ZNF805: variants seen among roughly 807,000 people sequenced by gnomAD.
The protein encoded by ZNF805 is CTC-444N24.8.
In ZNF805, 7 loss-of-function variants were observed where a neutral mutation model predicts 13.6. The ratio of observed to expected loss-of-function variants is 0.51; its 90% CI spans 0.29 to 0.97. The LOEUF (loss-of-function observed/expected upper bound fraction) is 0.97. Among genes scored for constraint, ZNF805 ranks in the 50% least tolerant of loss-of-function variants. The pLI, the probability that ZNF805 is intolerant of heterozygous loss-of-function variation, is 0.08. For synonymous variants in ZNF805, 293 were observed against 279.8 expected (o/e 1.05, Z -0.47); for missense variants, 604 against 771.0 (o/e 0.78, Z 2.57).
intron 3 of ZNF805, among the ~76,000 whole-genome samples, chr19:57,250,337 T>C (rs1034023994): frequency 6.6e-6 from 1 of 152,030 alleles, no homozygotes; most frequent in African/African-American, 2.4e-5. Context: ...GGTTCAAGCG[T>C]TTCTCCTGCC....
At chr19:57,248,883 G>A (rs1450220141) in intron 3 of ZNF805, among the ~76,000 whole-genome samples, 183 bp downstream of exon 3, 4 of 152,158 alleles carry the variant, frequency 2.6e-5, no homozygotes, top group Non-Finnish European at 5.9e-5. Context: ...CGCCACTCCT[G>A]GGGAGGAGTG....
chr19:57,245,550 T>C (rs2885166), intron 2 of ZNF805, among the ~76,000 whole-genome samples: 102,883 of 149,866 alleles, frequency 0.69, 35,860 homozygotes, highest in African/African-American at 0.8. Context: ...GAGGCCGAGA[T>C]GGGCGGATCA....
At chr19:57,243,667 T>C (rs1293976239) in intron 1 of ZNF805, among the ~76,000 whole-genome samples, 1 of 152,222 alleles carries the variant, frequency 6.6e-6, no homozygotes, top group Non-Finnish European at 1.5e-5. Flanking sequence ...GAACTCTAAT[T>C]GTCTACATCT....
At chr19:57,245,513 C>G (rs1310346097) in intron 2 of ZNF805, among the ~76,000 whole-genome samples, 2 of 152,144 alleles carry the variant, frequency 1.3e-5, no homozygotes, top group African/African-American at 2.4e-5. Context: ...GGTGCGATAG[C>G]TCATGCCTGT....
chr19:57,254,819 T>C lies in ZNF805; in HGVS notation c.*116T>C. The C allele has an allele frequency of 2.7e-6, 3 of 1,102,806 alleles. No individual in the cohort carries two copies. The highest frequency in any genetic ancestry group is 3.8e-6 in the Non-Finnish European group (3 of 780,012). 68.3% of individuals were successfully genotyped at this position (1,102,806 alleles called of 1,614,324 possible). A position where few individuals can be genotyped will look rare whatever the true frequency, so the allele number is the denominator to read the frequency against. Reference sequence around the variant, plus strand: ...ATCCTGGAAAAACACCCAGTGGTTATTACGCACTTGGGAAAACCTTTAGCT... The same window carrying C: ...ATCCTGGAAAAACACCCAGTGGTTACTACGCACTTGGGAAAACCTTTAGCT... On this transcript the variant is annotated 3_prime_UTR_variant, in exon 4 of 4. Transcript: ENST00000414468.
Position 57,254,423 on chromosome 19 carries a change from G to T in ZNF805, c.1604G>T (p.Gly535Val). 6.2e-7 allele frequency: 1 copy of T among 1,614,228 alleles called. No individual in the cohort carries two copies. The highest frequency in any genetic ancestry group is 8.5e-7 in the Non-Finnish European group (1 of 1,180,040). Reference sequence around the variant, plus strand: ...ATTCGACACTCTATCATCCACACTGGAGAGAAGCCGTATGAGTGCAGTGAA... The same window carrying T: ...ATTCGACACTCTATCATCCACACTGTAGAGAAGCCGTATGAGTGCAGTGAA... ...NLIRHSIIHT[G>V]EKPYECSECG... The change falls in exon 4 of 4, where the codon GGA becomes GTA. Residue 535 changes from glycine (G) to valine (V), a missense_variant. This residue lies in a region of ZNF805 where 228 missense variants were observed against 352.8 expected (regional missense o/e 0.65). Coordinates refer to ENST00000414468, the MANE Select transcript of ZNF805 (RefSeq NM_001023563.4).
chr19:57,254,075 G>A lies in ZNF805; in HGVS notation c.1256G>A (p.Arg419Gln), dbSNP rs867613734. The A allele has an allele frequency of 3.7e-6, 6 of 1,612,906 alleles. No individual in the cohort carries two copies. The highest frequency in any genetic ancestry group is 4.2e-6 in the Non-Finnish European group (5 of 1,179,622). The change falls in exon 4 of 4, where the codon CGG becomes CAG. Residue 419 changes from arginine (R) to glutamine (Q), a missense_variant. By Grantham distance (43) the Arg-to-Gln change is conservative (BLOSUM62 1). Transcript: ENST00000414468. ...NHRSYLKRHQ[R>Q]IHTGEKPYVC... Reference sequence around the variant, plus strand: ...CGATCCTACCTCAAAAGGCACCAGCGGATTCACACTGGGGAGAAGCCATAT... The same window carrying A: ...CGATCCTACCTCAAAAGGCACCAGCAGATTCACACTGGGGAGAAGCCATAT...
At chr19:57,251,105 T>C (rs1245198121) in intron 3 of ZNF805, among the ~76,000 whole-genome samples, 1 of 152,224 alleles carries the variant, frequency 6.6e-6, no homozygotes, top group Non-Finnish European at 1.5e-5. Flanking sequence ...ATGTATGTTG[T>C]TCATCTTTCA....
In ZNF805 at chr19:57,258,507, T is replaced by C. The variant is rs1228137074; in HGVS notation, c.*3804T>C. Among the ~76,000 whole-genome samples, 1 of 116,818 alleles carries C rather than the reference T, an allele frequency of 8.6e-6. No individual in the cohort carries two copies. The highest frequency in any genetic ancestry group is 1.7e-5 in the Non-Finnish European group (1 of 57,238). The allele number at this position is 116,818 out of a possible 152,430, so 76.6% of individuals were successfully genotyped here. A position where few individuals can be genotyped will look rare whatever the true frequency, so the allele number is the denominator to read the frequency against. On this transcript the variant is annotated 3_prime_UTR_variant, in exon 4 of 4. Transcript: ENST00000414468. ...ATATTTGTAGTGTTTTTTAAATATATTTCTTTGTATTTTTGTATTAATTTT... is the reference window on the plus strand; with the variant it reads ...ATATTTGTAGTGTTTTTTAAATATACTTCTTTGTATTTTTGTATTAATTTT...
At chr19:57,250,154 T>C (rs2087642691) in intron 3 of ZNF805, among the ~76,000 whole-genome samples, 1 of 151,394 alleles carries the variant, frequency 6.6e-6, no homozygotes, top group Non-Finnish European at 1.5e-5. Flanking sequence ...GCATCCAGCC[T>C]ATCTCCACAG....
In ZNF805 at chr19:57,256,561, TAAGG is replaced by T. The variant is rs2087688435; in HGVS notation, c.*1862_*1865del. ...TTGGATGAATTTTTATAGATTTTCT[TAAGG>T]AAGTGTTCATTTTATGTAAATGTTC... is the stretch of plus-strand genomic sequence containing the variant. On this transcript the variant is annotated 3_prime_UTR_variant, in exon 4 of 4. Transcript: ENST00000414468. Among the ~76,000 whole-genome samples, 1 of 152,160 alleles carries T rather than the reference TAAGG, an allele frequency of 6.6e-6. No homozygotes were observed. Among genetic ancestry groups the T allele is most frequent in the Non-Finnish European group, 1.5e-5 (1 of 67,990 alleles).
At chr19:57,245,526 T>C (rs888205605) in intron 2 of ZNF805, among the ~76,000 whole-genome samples, 4 of 151,886 alleles carry the variant, frequency 2.6e-5, no homozygotes, top group South Asian at 2.1e-4. Context: ...ATGCCTGTAA[T>C]CCCAGCACTT....
rs10420472 is a variant in ZNF805 at position 57,259,607 on chromosome 19, T to C, written c.*4904T>C. On this transcript the variant is annotated 3_prime_UTR_variant, in exon 4 of 4. Coordinates refer to ENST00000414468, the MANE Select transcript of ZNF805 (RefSeq NM_001023563.4). The stretch of plus-strand genomic sequence containing the variant: ...CTGCAAGCTCTGCCTCCCGGGTTCA[T>C]GCCATTCTCCTGCCTCAGCCTCCCG... 0.44 allele frequency among the ~76,000 whole-genome samples: 66,914 copies of C among 151,864 alleles called. 16,005 individuals are homozygous for C. The highest frequency in any genetic ancestry group is 0.53 in the Non-Finnish European group (36,150 of 67,896).
In ZNF805 at chr19:57,254,768, T is replaced by C. The variant is rs952038636; in HGVS notation, c.*65T>C. On this transcript the variant is annotated 3_prime_UTR_variant, in exon 4 of 4. Transcript: ENST00000414468. ...AGTCATATTAGAAAATCACGCAGCT[T>C]AGAGCCTTATTCTCCATCCGAATTC... 1.3e-6 allele frequency: 2 copies of C among 1,483,784 alleles called. No individual in the cohort carries two copies. The highest frequency in any genetic ancestry group is 4.6e-5 in the East Asian group (2 of 43,116). 91.9% of individuals were successfully genotyped at this position (1,483,784 alleles called of 1,614,324 possible).
rs2087715226 is a variant in ZNF805 at position 57,260,137 on chromosome 19, T to C, written c.*5434T>C. Among the ~76,000 whole-genome samples the C allele has an allele frequency of 6.6e-6, 1 of 152,164 alleles. No homozygotes were observed. Among genetic ancestry groups the C allele is most frequent in the Non-Finnish European group, 1.5e-5 (1 of 68,024 alleles). On this transcript the variant is annotated 3_prime_UTR_variant, in exon 4 of 4. Transcript: ENST00000414468. ...AGAAGGGGTCATTCCTTTTCTAAGA[T>C]CACTCTTACACTTTTTTATTAGACA...
intron 3 of ZNF805, among the ~76,000 whole-genome samples, chr19:57,249,469 T>C (rs1310382355): frequency 6.6e-6 from 1 of 152,228 alleles, no homozygotes; most frequent in East Asian, 1.9e-4. Context: ...GTTGTAATCA[T>C]GTGATACATT....
chr19:57,250,815 C>T (rs929898850), intron 3 of ZNF805, among the ~76,000 whole-genome samples: 1 of 152,234 alleles, frequency 6.6e-6, no homozygotes, highest in Non-Finnish European at 1.5e-5. Flanking sequence ...TCGGTAGCTT[C>T]TCTTTTCCCC....
At chr19:57,246,943 G>C (rs998225565) in intron 2 of ZNF805, among the ~76,000 whole-genome samples, 1 of 151,956 alleles carries the variant, frequency 6.6e-6, no homozygotes, top group African/African-American at 2.4e-5. Context: ...CCCTCATCCA[G>C]TTTAACTTAC....
At chr19:57,252,395 A>G (rs1442317095) in intron 3 of ZNF805, among the ~76,000 whole-genome samples, 1 of 152,168 alleles carries the variant, frequency 6.6e-6, no homozygotes, top group Non-Finnish European at 1.5e-5. Context: ...ACTTTCTAAA[A>G]CCTATTATAC....
Sources: allele counts gnomAD v4.1 joint callset (sites outside exome capture counted in the v4.1 genomes callset), GRCh38; gene constraint gnomAD v4.1.1; regional missense constraint gnomAD v4.1.1; transcripts MANE v1.5; gene names NCBI Gene and HGNC (gene_info 2026-07-23, HGNC 2026-07-21).